Variants in RASSF3 observed in about 807,000 individuals in gnomAD.
RASSF3 encodes ras association domain-containing protein 3.
RASSF3 carries 19 observed loss-of-function variants against 19.9 expected under a neutral mutation model. The ratio of observed to expected loss-of-function variants is 0.96; its 90% confidence interval spans 0.67 to 1.40. The LOEUF (loss-of-function observed/expected upper bound fraction) is 1.40, where lower values mean the gene tolerates loss of function less well. Among genes scored for constraint, RASSF3 ranks in the 40% most tolerant of loss-of-function variants. The pLI, the probability that RASSF3 is intolerant of heterozygous loss-of-function variation, is 0.00. For missense variants in RASSF3, 306 were observed against 289.8 expected (o/e 1.06, Z -0.41); for synonymous variants, 110 against 104.2 (o/e 1.06, Z -0.34).
At chr12:64,613,670 G>A (rs1297193332) in intron 1 of RASSF3, among the ~76,000 whole-genome samples, 2 of 152,276 alleles carry the variant, frequency 1.3e-5, no homozygotes, top group East Asian at 3.9e-4. Context: ...TCTAGGCCAC[G>A]TGTGGTAGCT....
chr12:64,685,352 C>G (rs1873307156), intron 2 of RASSF3, among the ~76,000 whole-genome samples: 1 of 152,182 alleles, frequency 6.6e-6, no homozygotes. Context: ...TCAAGTAATC[C>G]TCCCACCTCA....
intron 1 of RASSF3, among the ~76,000 whole-genome samples, chr12:64,616,908 C>G (rs1162046245): frequency 6.6e-6 from 1 of 152,350 alleles, no homozygotes; most frequent in East Asian, 1.9e-4. Context: ...CTCCATTCTC[C>G]TTAACATGTC....
At chr12:64,523,452 A>G (rs546374025) in intron 1 of RASSF3, among the ~76,000 whole-genome samples, 2 of 152,224 alleles carry the variant, frequency 1.3e-5, no homozygotes, top group East Asian at 3.9e-4. Flanking sequence ...TTCTTTGTAC[A>G]GACATTGCTT....
intron 1 of RASSF3, among the ~76,000 whole-genome samples, chr12:64,637,530 A>G (rs1871365489): frequency 6.7e-6 from 1 of 149,564 alleles, no homozygotes; most frequent in Non-Finnish European, 1.5e-5. Context: ...GCTGGGTTCC[A>G]GCAATTCTCA....
chr12:64,636,242 A>G (rs544893743), intron 1 of RASSF3, among the ~76,000 whole-genome samples: 1 of 151,832 alleles, frequency 6.6e-6, no homozygotes, highest in East Asian at 2.0e-4. Context: ...TCAGCCTCCC[A>G]AGGCTCCCAT....
At chr12:64,675,050 C>CA (rs1479418241) in intron 1 of RASSF3, among the ~76,000 whole-genome samples, 2 of 117,204 alleles carry the variant, frequency 1.7e-5, no homozygotes, top group East Asian at 2.5e-4. Flanking sequence ...ACCTAGCCCC[C>CA]CCCCCCCCCG....
intron 2 of RASSF3, among the ~76,000 whole-genome samples, chr12:64,579,041 C>T (rs1173954037): frequency 2.6e-5 from 4 of 151,754 alleles, no homozygotes; most frequent in Non-Finnish European, 5.9e-5. Context: ...GCAGGAGAAT[C>T]GCTTGAACCC....
chr12:64,658,243 G>C (rs556657844), intron 1 of RASSF3, among the ~76,000 whole-genome samples: 1 of 152,176 alleles, frequency 6.6e-6, no homozygotes, highest in South Asian at 2.1e-4. Flanking sequence ...GTCTCTAAAA[G>C]AATGAGACTT....
At chr12:64,581,573 G>A (rs1446895911) in intron 2 of RASSF3, among the ~76,000 whole-genome samples, 1 of 152,074 alleles carries the variant, frequency 6.6e-6, no homozygotes, top group Non-Finnish European at 1.5e-5. Context: ...ATAAAAATTA[G>A]CCAGGTATGG....
chr12:64,616,007 C>A (rs1212008007), intron 1 of RASSF3, among the ~76,000 whole-genome samples: 1 of 152,130 alleles, frequency 6.6e-6, no homozygotes, highest in African/African-American at 2.4e-5. Context: ...ATTTTTAATT[C>A]CCGTATTATG....
chr12:64,612,984 C>T lies in RASSF3; in HGVS notation c.111+2241C>T, dbSNP rs142421029. 3.3e-5 allele frequency among the ~76,000 whole-genome samples: 5 copies of T among 152,254 alleles called. No individual in the cohort carries two copies. In the South Asian group the frequency reaches 6.2e-4, roughly 19 times the overall value. On this transcript the variant is annotated intron_variant, in intron 1 of 4. Coordinates refer to ENST00000542104, the MANE Select transcript of RASSF3 (RefSeq NM_178169.4). Reference sequence around the variant, plus strand: ...AGCTTTATTGCCTGCATATTTTTCCCTTCTAACATAACACATGTAAGGTGC... The same window carrying T: ...AGCTTTATTGCCTGCATATTTTTCCTTTCTAACATAACACATGTAAGGTGC...
At chr12:64,533,606 G>T (rs527342349) in intron 1 of RASSF3, 1 of 152,334 alleles carries the variant, frequency 6.6e-6, no homozygotes, top group South Asian at 2.1e-4. Context: ...AGACAACAGG[G>T]TTCTGCAGCT....
intron 2 of RASSF3, among the ~76,000 whole-genome samples, chr12:64,687,338 G>A (rs1361061746): frequency 6.6e-6 from 1 of 152,078 alleles, no homozygotes; most frequent in Non-Finnish European, 1.5e-5. Context: ...AATAAAAAGT[G>A]AAGACCAAAC....
intron 1 of RASSF3, among the ~76,000 whole-genome samples, chr12:64,615,772 C>A (rs1870534622): frequency 6.6e-6 from 1 of 151,300 alleles, no homozygotes; most frequent in East Asian, 1.9e-4. Context: ...CTCCTGGGTT[C>A]AAATGATTCT....
chr12:64,623,615 A>G (rs2136166399), intron 1 of RASSF3, among the ~76,000 whole-genome samples: 1 of 152,262 alleles, frequency 6.6e-6, no homozygotes, highest in South Asian at 2.1e-4. Flanking sequence ...GGTGGAAGGT[A>G]CAGCCCTTTC....
intron 1 of RASSF3, among the ~76,000 whole-genome samples, chr12:64,525,955 G>C (rs956960671): frequency 1.3e-5 from 2 of 152,136 alleles, no homozygotes; most frequent in African/African-American, 2.4e-5. Context: ...GACAAGCCAG[G>C]TGAACAGGGA....
chr12:64,537,687 T>C (rs1005946989), intron 1 of RASSF3, among the ~76,000 whole-genome samples: 5 of 152,218 alleles, frequency 3.3e-5, no homozygotes, highest in Admixed American at 1.3e-4. Context: ...TCAGTGTCTT[T>C]ACCTTGAGAA....
At chr12:64,536,791 A>G (rs11175433) in intron 1 of RASSF3, among the ~76,000 whole-genome samples, 50,231 of 151,904 alleles carry the variant, frequency 0.33, 10,215 homozygotes, top group East Asian at 0.66. Context: ...CTTCAATATC[A>G]TGTCTATGTT....
At chr12:64,524,379 G>A (rs985544262) in intron 1 of RASSF3, among the ~76,000 whole-genome samples, 5 of 151,752 alleles carry the variant, frequency 3.3e-5, no homozygotes, top group Admixed American at 6.6e-5. Flanking sequence ...GAGCCACCGC[G>A]CCCAGCCTGT....
Sources: gnomAD v4.1 joint callset for allele counts (sites outside exome capture counted in the v4.1 genomes callset) on GRCh38, gnomAD v4.1.1 for gene constraint, MANE v1.5 for transcripts, NCBI Gene and HGNC (gene_info 2026-07-23, HGNC 2026-07-21) for gene names.